Variants in KLHL1 observed in about 807,000 individuals in gnomAD.
KLHL1 encodes kelch-like protein 1.
In KLHL1, 47 loss-of-function variants were observed where a neutral mutation model predicts 77.7. The ratio of observed to expected loss-of-function variants is 0.60; its 90% CI spans 0.48 to 0.77. The LOEUF (loss-of-function observed/expected upper bound fraction) is 0.77, where lower values mean the gene tolerates loss of function less well. KLHL1 is among the 30% of genes least tolerant of loss of function. KLHL1 has a pLI of 0.00. For missense variants in KLHL1, 925 were observed against 910.8 expected, an observed-to-expected ratio of 1.02 and a Z score of -0.20; for synonymous variants, 360 against 325.2, an observed-to-expected ratio of 1.11 and a Z score of -1.15.
chr13:70,045,130 T>C (rs576574334), intron 1 of KLHL1, among the ~76,000 whole-genome samples: 35 of 152,274 alleles, frequency 2.3e-4, no homozygotes, highest in African/African-American at 7.2e-4. Context: ...ACTCAAGGAA[T>C]GTCGCCTTGA....
chr13:69,719,682 C>T (rs1458192462), intron 8 of KLHL1, 101 bp from the exon 9 acceptor site: 5 of 802,452 alleles, frequency 6.2e-6, no homozygotes, highest in East Asian at 2.7e-5. Flanking sequence ...GAGGCTCAAA[C>T]GTGTTGGAAA....
chr13:69,750,408 A>G (rs890720465), intron 7 of KLHL1, among the ~76,000 whole-genome samples: 5 of 151,804 alleles, frequency 3.3e-5, no homozygotes, highest in African/African-American at 1.2e-4. Context: ...GAATTAAACA[A>G]AATAACTTGC....
chr13:69,779,164 A>G (rs115071346), intron 7 of KLHL1, among the ~76,000 whole-genome samples: 239 of 152,248 alleles, frequency 1.6e-3, no homozygotes, highest in African/African-American at 5.6e-3. Flanking sequence ...AAAATCTTCA[A>G]TAAATGTTTA....
chr13:69,875,515 A>G (rs1298427460), intron 5 of KLHL1, among the ~76,000 whole-genome samples: 1 of 152,168 alleles, frequency 6.6e-6, no homozygotes. Flanking sequence ...TGTAACGAAA[A>G]TAAAGACTTT....
chr13:70,018,034 AT>A (rs1885701516), intron 1 of KLHL1, among the ~76,000 whole-genome samples: 1 of 139,530 alleles, frequency 7.2e-6, no homozygotes, highest in African/African-American at 2.6e-5. Flanking sequence ...CTCCTCCAAG[AT>A]TAAATAGAAC....
intron 3 of KLHL1, among the ~76,000 whole-genome samples, chr13:69,941,442 C>A (rs963144265): frequency 6.6e-6 from 1 of 151,880 alleles, no homozygotes; most frequent in Non-Finnish European, 1.5e-5. Context: ...TGGTATACAG[C>A]AAAAGTGATG....
At chr13:69,855,339 GATAGATAGACAGACAGATAGATAC>G (rs1324781857) in intron 5 of KLHL1, among the ~76,000 whole-genome samples, 4 of 78,282 alleles carry the variant, frequency 5.1e-5, no homozygotes, top group Admixed American at 3.7e-4. Flanking sequence ...TAGATAGATA[GATAGATAGACAGACAGATAGATAC>G]ATAGAGAGAT....
intron 7 of KLHL1, among the ~76,000 whole-genome samples, chr13:69,744,073 C>A (rs1051754862): frequency 5.3e-4 from 80 of 152,050 alleles, no homozygotes; most frequent in African/African-American, 1.9e-3. Context: ...GAGTTATCAG[C>A]AATTATATGG....
chr13:70,074,916 A>G (rs568858798), intron 1 of KLHL1, among the ~76,000 whole-genome samples: 5 of 152,182 alleles, frequency 3.3e-5, no homozygotes, highest in African/African-American at 1.2e-4. Flanking sequence ...TTAGTAAAAA[A>G]TCAATATATG....
chr13:69,870,200 G>A (rs944428753), intron 5 of KLHL1, among the ~76,000 whole-genome samples: 1 of 152,144 alleles, frequency 6.6e-6, no homozygotes, highest in South Asian at 2.1e-4. Flanking sequence ...GTCTCAAGAT[G>A]CTGCCACTCG....
chr13:69,895,532 A>G (rs1178852377), intron 4 of KLHL1, among the ~76,000 whole-genome samples: 4 of 152,154 alleles, frequency 2.6e-5, no homozygotes, highest in African/African-American at 9.7e-5. Flanking sequence ...ACAAATCACC[A>G]TAAATTGTGT....
At chr13:69,718,627 A>G (rs759858883) in intron 9 of KLHL1, among the ~76,000 whole-genome samples, 3 of 152,090 alleles carry the variant, frequency 2.0e-5, no homozygotes, top group African/African-American at 4.8e-5. Flanking sequence ...AAATATTACC[A>G]TGATCTTACT....
intron 5 of KLHL1, among the ~76,000 whole-genome samples, chr13:69,875,850 A>G (rs1445960944): frequency 1.3e-5 from 2 of 151,692 alleles, no homozygotes; most frequent in Non-Finnish European, 2.9e-5. Flanking sequence ...AAGTAATCCT[A>G]TTCTTTTTTT....
intron 3 of KLHL1, among the ~76,000 whole-genome samples, chr13:69,942,673 A>T (rs1883404048): frequency 6.6e-6 from 1 of 152,112 alleles, no homozygotes; most frequent in South Asian, 2.1e-4. Flanking sequence ...TGCTATATGT[A>T]TGTGTATGTG....
intron 1 of KLHL1, among the ~76,000 whole-genome samples, chr13:70,046,600 G>A (rs776453248): frequency 6.6e-6 from 1 of 152,202 alleles, no homozygotes; most frequent in Non-Finnish European, 1.5e-5. Flanking sequence ...CGATTCGCGT[G>A]CTTCAGCTTC....
At chr13:69,946,636 C>T (rs1219850550) in intron 3 of KLHL1, among the ~76,000 whole-genome samples, 1 of 152,086 alleles carries the variant, frequency 6.6e-6, no homozygotes, top group Non-Finnish European at 1.5e-5. Flanking sequence ...CCTCAGCCTC[C>T]CACGTAGGTG....
intron 6 of KLHL1, among the ~76,000 whole-genome samples, chr13:69,818,546 G>T (rs74710376): frequency 6.6e-6 from 1 of 152,030 alleles, no homozygotes; most frequent in Non-Finnish European, 1.5e-5. Context: ...TCTAAAGATG[G>T]ATGCAAATGC....
chr13:69,722,758 G>A (rs183555611), intron 8 of KLHL1, among the ~76,000 whole-genome samples: 1 of 151,738 alleles, frequency 6.6e-6, no homozygotes, highest in Non-Finnish European at 1.5e-5. Context: ...GTTTTTTGAG[G>A]GTAGTCCCTC....
intron 2 of KLHL1, among the ~76,000 whole-genome samples, chr13:69,965,661 G>T (rs1390533563): frequency 6.6e-6 from 1 of 152,198 alleles, no homozygotes; most frequent in African/African-American, 2.4e-5. Flanking sequence ...GAGAACAAAA[G>T]CTAGGCCTTT....
Sources: allele counts gnomAD v4.1 joint callset (sites outside exome capture counted in the v4.1 genomes callset), GRCh38; gene constraint gnomAD v4.1.1; transcripts MANE v1.5; gene names NCBI Gene and HGNC (gene_info 2026-07-23, HGNC 2026-07-21).